The following KIF1A variants were observed in gnomAD, a reference collection of about 807,000 sequenced individuals.
The protein encoded by KIF1A is kinesin-like protein KIF1A.
KIF1A carries 46 observed loss-of-function variants against 227.3 expected under a neutral mutation model. The ratio of observed to expected loss-of-function variants is 0.20; its 90% CI spans 0.16 to 0.26. The LOEUF (loss-of-function observed/expected upper bound fraction) is 0.26. Ranked by LOEUF, KIF1A falls within the 10% of genes least tolerant of loss-of-function variation. The probability of loss-of-function intolerance (pLI) is 1.00; values close to 1 mark genes in which losing one functional copy is unlikely to be tolerated. For missense variants in KIF1A, 1,683 were observed against 2,485.9 expected, an observed-to-expected ratio of 0.68 and a Z score of 6.87; for synonymous variants, 1,022 against 1,012.8, an observed-to-expected ratio of 1.01 and a Z score of -0.17.
At chr2:240,761,935 C>T (rs1004604812) in intron 23 of KIF1A, among the ~76,000 whole-genome samples, 16 of 152,298 alleles carry the variant, frequency 1.1e-4, no homozygotes, top group African/African-American at 3.8e-4. Context: ...ACACTCTCTC[C>T]CCGACCCATG....
chr2:240,723,653 C>T, intron 41 of KIF1A, 95 bp from the exon 42 acceptor site: 2 of 1,386,946 alleles, frequency 1.4e-6, no homozygotes, highest in Non-Finnish European at 1.9e-6. Flanking sequence ...GCTGTCTCCC[C>T]TCTGGAGTGG....
chr2:240,749,776 C>T (rs1053636482), intron 28 of KIF1A, among the ~76,000 whole-genome samples: 2 of 152,238 alleles, frequency 1.3e-5, no homozygotes, highest in Non-Finnish European at 1.5e-5. Flanking sequence ...TCTGGCCATC[C>T]GGAGCAGGCT....
Position 240,734,782 on chromosome 2 carries a change from C to T in KIF1A, c.4007+2281G>A, listed in dbSNP as rs557927358. On this transcript the variant is annotated intron_variant, in intron 38 of 48. Transcript: ENST00000498729. ...AAACAATCACACGGTTAGTGAGGGC[C>T]GGGCAGCGCAGCGGGAGCGGGGTGG... The T allele has an allele frequency of 1.7e-3, 2,175 of 1,303,612 alleles. 3 individuals are homozygous for T. The highest frequency in any genetic ancestry group is 2.1e-3 in the Non-Finnish European group (2,066 of 988,272). The allele number at this position is 1,303,612 out of a possible 1,614,324, so 80.8% of individuals were successfully genotyped here.
chr2:240,755,251 G>T (rs1326377964), intron 27 of KIF1A, among the ~76,000 whole-genome samples: 1 of 152,218 alleles, frequency 6.6e-6, no homozygotes, highest in Non-Finnish European at 1.5e-5. Flanking sequence ...GCCAGTGCTG[G>T]ATAGGCCTTC....
At chr2:240,808,676 A>AAAAT (rs1371106136) in intron 1 of KIF1A, among the ~76,000 whole-genome samples, 1 of 152,094 alleles carries the variant, frequency 6.6e-6, no homozygotes, top group Non-Finnish European at 1.5e-5. Context: ...TTCTCTCTAA[A>AAAAT]AAATAAATAA....
intron 6 of KIF1A, 33 bp from the exon 7 acceptor site, chr2:240,785,133 T>C (rs1275047285): frequency 4.5e-6 from 7 of 1,559,796 alleles, no homozygotes; most frequent in Non-Finnish European, 6.2e-6. Flanking sequence ...CGGTTACCCC[T>C]CGTCCTGTGG....
intron 1 of KIF1A, among the ~76,000 whole-genome samples, chr2:240,800,614 C>T (rs889862762): frequency 6.6e-6 from 1 of 152,226 alleles, no homozygotes; most frequent in African/African-American, 2.4e-5. Context: ...CAAAAAGAAA[C>T]TTGAGAGGCC....
rs1264307320 is a variant in KIF1A, at chr2:240,788,270, T to C, written c.184-40A>G. 1 of 1,595,400 alleles carries C rather than the reference T, an allele frequency of 6.3e-7. No individual in the cohort carries two copies. The highest frequency in any genetic ancestry group is 8.6e-7 in the Non-Finnish European group (1 of 1,165,760). On this transcript the variant is annotated intron_variant, in intron 3 of 48. Coordinates refer to ENST00000498729, the MANE Select transcript of KIF1A (RefSeq NM_001244008.2). This position sits in a 1 kb window ranked among gnomAD's most constrained non-coding sequence, Gnocchi z 6.6. Reference sequence around the variant, plus strand: ...AGGAATGAAGTTGCAGGAGGCTGGGTGCATCCGAGGCTCAGCCCATCATGT... The same window carrying C: ...AGGAATGAAGTTGCAGGAGGCTGGGCGCATCCGAGGCTCAGCCCATCATGT...
chr2:240,752,280 G>C lies in KIF1A; in HGVS notation c.2859-1733C>G, dbSNP rs1164292265. On this transcript the variant is annotated intron_variant, in intron 27 of 48. Coordinates refer to ENST00000498729, the MANE Select transcript of KIF1A (RefSeq NM_001244008.2). The surrounding 1 kb of genome is among the most constrained non-coding windows in gnomAD (Gnocchi z 6.4). ...GTGGGGGCTGGAGCTCCACTGCCCT[G>C]GGCCACCCACCCAGGTTATGTCCAG... Among the ~76,000 whole-genome samples, 1 of 152,028 alleles carries C rather than the reference G, an allele frequency of 6.6e-6. No homozygotes were observed.
chr2:240,721,474 C>G (rs1414973814), intron 44 of KIF1A, among the ~76,000 whole-genome samples: 1 of 152,176 alleles, frequency 6.6e-6, no homozygotes, highest in Non-Finnish European at 1.5e-5. Context: ...GAGGGACAGC[C>G]AAGTGGGAGC....
At chr2:240,812,917 G>T in intron 1 of KIF1A, among the ~76,000 whole-genome samples, 1 of 142,788 alleles carries the variant, frequency 7.0e-6, no homozygotes, top group Non-Finnish European at 1.5e-5. Context: ...CCTTCACCTC[G>T]GGGATCAGCC....
In KIF1A at chr2:240,758,820, T is replaced by A. The variant is rs769013741; in HGVS notation, c.2445-323A>T. 6.6e-6 allele frequency among the ~76,000 whole-genome samples: 1 copy of A among 151,188 alleles called. No homozygotes were observed. The highest frequency in any genetic ancestry group is 1.5e-5 in the Non-Finnish European group (1 of 67,806). ...GGCTGCTGGAAAGCTGGCGGAGAGG[T>A]GGGAAGAGAACCCAAGTGAAGCTCA... is the stretch of plus-strand genomic sequence containing the variant. On this transcript the variant is annotated intron_variant, in intron 25 of 48. Transcript: ENST00000498729. This position sits in a 1 kb window ranked among gnomAD's most constrained non-coding sequence, Gnocchi z 5.2.
chr2:240,735,386 A>ACCAGCTGGAGGACCAGCGGGTGG (rs71049517), intron 38 of KIF1A, among the ~76,000 whole-genome samples: 1 of 151,996 alleles, frequency 6.6e-6, no homozygotes, highest in Non-Finnish European at 1.5e-5. Flanking sequence ...AGGTCCAGCC[A>ACCAGCTGGAGGACCAGCGGGTGG]TGAGCCGCTC....
intron 1 of KIF1A, among the ~76,000 whole-genome samples, chr2:240,814,223 C>T (rs1260178940): frequency 6.6e-6 from 1 of 151,846 alleles, no homozygotes; most frequent in African/African-American, 2.4e-5. Flanking sequence ...AAATGCGAAC[C>T]CCATCCTTAC....
intron 43 of KIF1A, among the ~76,000 whole-genome samples, chr2:240,722,117 T>C (rs982188306): frequency 1.3e-5 from 2 of 152,200 alleles, no homozygotes; most frequent in African/African-American, 4.8e-5. Flanking sequence ...GAGGCTGTGC[T>C]GCCTCCAGTG....
In KIF1A at chr2:240,719,803, C is replaced by T; in HGVS notation, c.4992G>A (p.Leu1664=). The T allele has an allele frequency of 6.2e-7, 1 of 1,603,420 alleles. No individual in the cohort carries two copies. The highest frequency in any genetic ancestry group is 1.1e-5 in the South Asian group (1 of 89,564). ...TETDKEPQRL[L]VPDIQEIRVS... Reference sequence around the variant, plus strand: ...CTCGGATCTCCTGGATGTCAGGGACCAGCAGGCGCTGGGGCTCCTTGTCTG... The same window carrying T: ...CTCGGATCTCCTGGATGTCAGGGACTAGCAGGCGCTGGGGCTCCTTGTCTG... The change falls in exon 46 of 49, where the codon CTG becomes CTA. Residue 1664 remains leucine, a synonymous_variant. Transcript: ENST00000498729.
chr2:240,725,508 C>T lies in KIF1A; in HGVS notation c.4123-104G>A. The T allele has an allele frequency of 7.6e-7, 1 of 1,311,312 alleles. No homozygotes were observed. The allele number at this position is 1,311,312 out of a possible 1,614,324, so 81.2% of individuals were successfully genotyped here. ...ACAATGCCCAGCACCGACAGGCAGC[C>T]CCAGGGCCTTCCCAGGGCCTCAGGT... On this transcript the variant is annotated intron_variant, in intron 39 of 48. Transcript: ENST00000498729. This position sits in a 1 kb window ranked among gnomAD's most constrained non-coding sequence, Gnocchi z 5.8.
intron 10 of KIF1A, among the ~76,000 whole-genome samples, chr2:240,780,031 C>A (rs973429044): frequency 6.6e-6 from 1 of 152,144 alleles, no homozygotes; most frequent in Non-Finnish European, 1.5e-5. Context: ...CAAGCAGATC[C>A]TCTCACAGTG....
intron 10 of KIF1A, chr2:240,781,787 C>G: frequency 1.0e-6 from 1 of 985,330 alleles, no homozygotes; most frequent in Non-Finnish European, 1.2e-6. Flanking sequence ...GCTTCCTCGC[C>G]TGGCTCCCAC....
Sources: gnomAD v4.1 joint callset for allele counts (sites outside exome capture counted in the v4.1 genomes callset) on GRCh38, gnomAD v4.1.1 for gene constraint, Gnocchi (gnomAD v3.1) non-coding constraint, MANE v1.5 for transcripts, NCBI Gene and HGNC (gene_info 2026-07-23, HGNC 2026-07-21) for gene names.